The following VLDLR variants were observed in gnomAD, a reference collection of about 807,000 sequenced individuals.
VLDLR encodes the protein very low-density lipoprotein receptor.
VLDLR carries 81 observed loss-of-function variants against 112.7 expected under a neutral mutation model. The observed-to-expected ratio is 0.72, with a 90% CI of 0.60 to 0.86. The LOEUF is 0.86. VLDLR is among the 40% of genes least tolerant of loss of function. The pLI is 0.00. For missense variants in VLDLR, 1,237 were observed against 1,099.4 expected (o/e 1.13, Z -1.77); for synonymous variants, 436 against 384.8 (o/e 1.13, Z -1.56).
At chr9:2,626,260 C>T (rs1545567) in intron 1 of VLDLR, among the ~76,000 whole-genome samples, 97,535 of 152,108 alleles carry the variant, frequency 0.64, 31,575 homozygotes, top group Admixed American at 0.7. Flanking sequence ...ATTTCACATA[C>T]ACCTTATACA....
At chr9:2,627,898 G>C (rs900262656) in intron 1 of VLDLR, among the ~76,000 whole-genome samples, 5 of 151,720 alleles carry the variant, frequency 3.3e-5, no homozygotes, top group African/African-American at 1.2e-4. Context: ...ACAAAGATGA[G>C]GTGAAGGTAC....
Position 2,654,727 on chromosome 9 carries a change from G to C in VLDLR, c.*859G>C, listed in dbSNP as rs1265959164. On this transcript the variant is annotated 3_prime_UTR_variant, in exon 19 of 19. Coordinates refer to ENST00000382100, the MANE Select transcript of VLDLR (RefSeq NM_003383.5). ...GAATTCCTCTTGGTTAGAGGAGTGA[G>C]TTTCTTTTTTTTCCATTAACTTGTT... The C allele has an allele frequency of 6.8e-6, 1 of 147,302 alleles. No individual in the cohort carries two copies. The highest frequency in any genetic ancestry group is 1.5e-5 in the Non-Finnish European group (1 of 65,248). The allele number at this position is 147,302 out of a possible 1,614,324, so 9.1% of individuals were successfully genotyped here. A position where few individuals can be genotyped will look rare whatever the true frequency, so the allele number is the denominator to read the frequency against.
chr9:2,639,810 G>T, intron 2 of VLDLR, 49 bp from the exon 3 acceptor site: 1 of 1,613,880 alleles, frequency 6.2e-7, no homozygotes, highest in Non-Finnish European at 8.5e-7. Context: ...TGAAGCTAGG[G>T]CTGTGGGTAA....
At chr9:2,630,849 C>T (rs1182367604) in intron 1 of VLDLR, among the ~76,000 whole-genome samples, 1 of 152,162 alleles carries the variant, frequency 6.6e-6, no homozygotes, top group Non-Finnish European at 1.5e-5. Flanking sequence ...AACTAAAAAG[C>T]TTCTGCACAG....
chr9:2,635,692 T>C (rs907939750), intron 2 of VLDLR, 120 bp downstream of exon 2: 3 of 1,467,642 alleles, frequency 2.0e-6, no homozygotes, highest in African/African-American at 2.8e-5. Flanking sequence ...AAAGAATCTA[T>C]ACTTCTCTGT....
intron 3 of VLDLR, among the ~76,000 whole-genome samples, chr9:2,641,156 G>A (rs762655348): frequency 3.3e-5 from 5 of 152,174 alleles, no homozygotes; most frequent in Admixed American, 1.3e-4. Context: ...AAGGAGTGAC[G>A]TGGTCAAAGC....
intron 15 of VLDLR, among the ~76,000 whole-genome samples, chr9:2,650,850 G>T (rs961104036): frequency 2.6e-5 from 4 of 152,216 alleles, no homozygotes; most frequent in African/African-American, 9.6e-5. Flanking sequence ...TTATGCTTAA[G>T]GAAGGCCATG....
At position 2,623,525 on chromosome 9, in the gene VLDLR, G is replaced by A. The variant is rs1037878403; in HGVS notation, c.82+1254G>A. Among the ~76,000 whole-genome samples, 17 of 152,344 alleles carry A rather than the reference G, an allele frequency of 1.1e-4. 1 individual carries two copies. Among genetic ancestry groups the A allele is most frequent in the African/African-American group, 4.1e-4 (17 of 41,598 alleles). ...AGTGAGAGCGAACTTTAAAGCATGT[G>A]GTCAAGGAGCCTGTCGGGCAGCGCC... On this transcript the variant is annotated intron_variant, in intron 1 of 18. Transcript: ENST00000382100.
intron 3 of VLDLR, 146 bp from the exon 4 acceptor site, chr9:2,641,231 G>T: frequency 7.9e-7 from 1 of 1,262,774 alleles, no homozygotes; most frequent in Admixed American, 1.8e-5. Flanking sequence ...TGATGAAAGA[G>T]CTCCCCGGGC....
rs140062795 is a variant in VLDLR, at chr9:2,645,067, G to A, written c.1297G>A (p.Val433Met). The change falls in exon 9 of 19, where the codon GTG becomes ATG. Residue 433 changes from valine to methionine, a missense_variant. Coordinates refer to ENST00000382100, the MANE Select transcript of VLDLR (RefSeq NM_003383.5). ...RGYQMDLATG[V>M]CKAVGKEPSL... ...CTATCAAATGGATCTTGCTACTGGC[G>A]TGTGCAAGGCAGTAGGTAAATGAAC... 118 of 1,614,180 alleles carry A rather than the reference G, an allele frequency of 7.3e-5. No homozygotes were observed. The highest frequency in any genetic ancestry group is 7.2e-4 in the African/African-American group (54 of 75,046).
Position 2,624,296 on chromosome 9 carries a change from A to G in VLDLR, c.82+2025A>G, listed in dbSNP as rs567021829. 4.7e-4 allele frequency among the ~76,000 whole-genome samples: 72 copies of G among 152,280 alleles called. No individual in the cohort carries two copies. The South Asian group carries it at 0.014, about 30-fold the overall frequency. On this transcript the variant is annotated intron_variant, in intron 1 of 18. Transcript: ENST00000382100. ...TGAGGCAGTTATTGACCCTAAACCA[A>G]TCCCAACCGGCATCTGTCTTAAGTT...
At chr9:2,643,988 TC>T (rs1210470415) in intron 7 of VLDLR, 29 bp downstream of exon 7, 1 of 1,613,964 alleles carries the variant, frequency 6.2e-7, no homozygotes, top group Non-Finnish European at 8.5e-7. Flanking sequence ...CAAGTACAGA[TC>T]CTGGAAGTTT....
Position 2,647,512 on chromosome 9 carries a change from T to C in VLDLR, c.1742T>C (p.Ile581Thr). ...TCAGACTGGGGTGAACCAGCTAAAA[T>C]AGAAAAAGCAGGAATGAATGGATTC... ...YWSDWGEPAK[I>T]EKAGMNGFDR... Residue 581 changes from isoleucine (I) to threonine (T), a missense_variant, in exon 12 of 19, where the codon ATA (isoleucine) becomes ACA (threonine). By Grantham distance (89) the Ile-to-Thr change is moderately conservative. Transcript: ENST00000382100. The C allele has an allele frequency of 6.2e-7, 1 of 1,614,134 alleles. No homozygotes were observed. The highest frequency in any genetic ancestry group is 8.5e-7 in the Non-Finnish European group (1 of 1,179,978).
chr9:2,659,685 G>A lies in VLDLR; in HGVS notation c.*5817G>A, dbSNP rs1360145580. On this transcript the variant is annotated 3_prime_UTR_variant, in exon 19 of 19. Transcript: ENST00000382100. Reference sequence around the variant, plus strand: ...CATGGCCAAAAAGACAGGAAGAACTGTGGCTTGTAACTCAATGATGCTATA... The same window carrying A: ...CATGGCCAAAAAGACAGGAAGAACTATGGCTTGTAACTCAATGATGCTATA... 6.6e-6 allele frequency: 1 copy of A among 152,220 alleles called. No individual in the cohort carries two copies. Among genetic ancestry groups the A allele is most frequent in the Non-Finnish European group, 1.5e-5 (1 of 68,046 alleles). The allele number at this position is 152,220 out of a possible 1,614,324, so 9.4% of individuals were successfully genotyped here.
intron 1 of VLDLR, among the ~76,000 whole-genome samples, chr9:2,628,107 C>T (rs2130763511): frequency 6.6e-6 from 1 of 152,190 alleles, no homozygotes; most frequent in East Asian, 1.9e-4. Context: ...CAACTAGTGC[C>T]TAGAGAATAT....
chr9:2,634,541 C>T (rs1246020150), intron 1 of VLDLR, among the ~76,000 whole-genome samples: 3 of 152,198 alleles, frequency 2.0e-5, no homozygotes, highest in Non-Finnish European at 4.4e-5. Context: ...CTGGCCTGTG[C>T]CGGGCAAAAC....
Position 2,650,482 on chromosome 9 carries a change from G to A in VLDLR, c.2217G>A (p.Gly739=). ...AATATACCTGTTCCTGTCCCAGTGG[G>A]TACAATGTAGAGGAAAATGGCCGAG... ...SPKYTCSCPS[G]YNVEENGRDC... The change falls in exon 15 of 19, where the codon GGG becomes GGA. Residue 739 remains glycine, a synonymous_variant. Transcript: ENST00000382100. 1 of 1,613,928 alleles carries A rather than the reference G, an allele frequency of 6.2e-7. No homozygotes were observed. Among genetic ancestry groups the A allele is most frequent in the Non-Finnish European group, 8.5e-7 (1 of 1,180,006 alleles).
intron 1 of VLDLR, among the ~76,000 whole-genome samples, chr9:2,626,493 A>G (rs924536845): frequency 6.6e-6 from 1 of 152,206 alleles, no homozygotes; most frequent in Non-Finnish European, 1.5e-5. Context: ...GAAGTCTCCT[A>G]GGAAAGCTTG....
intron 4 of VLDLR, 136 bp from the exon 5 acceptor site, chr9:2,643,024 A>T: frequency 7.6e-7 from 1 of 1,307,602 alleles, no homozygotes; most frequent in Non-Finnish European, 1.1e-6. Context: ...TTCTTGATTT[A>T]ACTCCATTGT....
Sources: gnomAD v4.1 joint callset for allele counts (sites outside exome capture counted in the v4.1 genomes callset) on GRCh38, gnomAD v4.1.1 for gene constraint, MANE v1.5 for transcripts, NCBI Gene and HGNC (gene_info 2026-07-23, HGNC 2026-07-21) for gene names.